NLRC4: variants seen among roughly 807,000 people sequenced by gnomAD.
NLRC4 encodes the protein NLR family CARD domain-containing protein 4.
NLRC4 carries 63 observed loss-of-function variants against 79.9 expected under a neutral mutation model. The observed-to-expected ratio is 0.79, with a 90% CI of 0.64 to 0.97. The LOEUF (loss-of-function observed/expected upper bound fraction) is 0.97, where lower values mean the gene tolerates loss of function less well. Ranked by LOEUF, NLRC4 falls within the 50% of genes least tolerant of loss-of-function variation. The pLI is 0.00. For missense variants in NLRC4, 1,074 were observed against 1,215.2 expected, an observed-to-expected ratio of 0.88 and a Z score of 1.73; for synonymous variants, 461 against 456.5, an observed-to-expected ratio of 1.01 and a Z score of -0.12.
chr2:32,237,742 G>A (rs1180958446), intron 6 of NLRC4, among the ~76,000 whole-genome samples: 1 of 152,174 alleles, frequency 6.6e-6, no homozygotes, highest in African/African-American at 2.4e-5. Context: ...CAATGGGTAG[G>A]AATTAGAAGC....
At chr2:32,225,506 C>T (rs1458545858) in intron 8 of NLRC4, among the ~76,000 whole-genome samples, 2 of 151,966 alleles carry the variant, frequency 1.3e-5, no homozygotes, top group African/African-American at 4.8e-5. Context: ...TTAGGTGGTA[C>T]TGGAACCCAA....
chr2:32,243,216 CT>C (rs1686847492), intron 4 of NLRC4, among the ~76,000 whole-genome samples: 1 of 151,686 alleles, frequency 6.6e-6, no homozygotes, highest in Middle Eastern at 3.4e-3. Context: ...TGACACCAGC[CT>C]GGCCAACATG....
intron 3 of NLRC4, 52 bp from the exon 4 acceptor site, chr2:32,251,653 A>G: frequency 7.9e-7 from 1 of 1,259,582 alleles, no homozygotes; most frequent in South Asian, 1.4e-5. Context: ...GTCTCCTCAA[A>G]ACCTAGAGTT....
intron 4 of NLRC4, 138 bp from the exon 5 acceptor site, chr2:32,241,263 TA>T (rs942977068): frequency 4.0e-5 from 23 of 569,364 alleles, no homozygotes; most frequent in African/African-American, 3.8e-4. Flanking sequence ...GAAATAGACA[TA>T]AAAATATACT....
At chr2:32,239,093 C>G (rs189934143) in intron 5 of NLRC4, among the ~76,000 whole-genome samples, 1 of 152,046 alleles carries the variant, frequency 6.6e-6, no homozygotes, top group Non-Finnish European at 1.5e-5. Context: ...CCAGCCTGTC[C>G]AACATGGCGG....
At chr2:32,259,735 A>T (rs1455039788) in intron 1 of NLRC4, among the ~76,000 whole-genome samples, 1 of 152,096 alleles carries the variant, frequency 6.6e-6, no homozygotes, top group Non-Finnish European at 1.5e-5. Flanking sequence ...CATCTCTGCC[A>T]CACCCTCAAA....
At chr2:32,257,923 T>A (rs1687246666) in intron 1 of NLRC4, among the ~76,000 whole-genome samples, 1 of 152,070 alleles carries the variant, frequency 6.6e-6, no homozygotes, top group African/African-American at 2.4e-5. Flanking sequence ...CAGGGTGCTC[T>A]TTTAGTTCAG....
intron 5 of NLRC4, 144 bp downstream of exon 5, chr2:32,240,889 G>A (rs1686783709): frequency 3.4e-6 from 2 of 584,590 alleles, no homozygotes; most frequent in African/African-American, 1.9e-5. Flanking sequence ...ATGGCAGTAG[G>A]GAAAATGTCT....
intron 1 of NLRC4, among the ~76,000 whole-genome samples, chr2:32,258,666 T>G (rs1396642749): frequency 6.6e-6 from 1 of 152,190 alleles, no homozygotes; most frequent in Non-Finnish European, 1.5e-5. Context: ...GGAGAGATTA[T>G]GGTATAAGGA....
chr2:32,233,349 A>ATTTTTTT (rs1176305976), intron 8 of NLRC4, among the ~76,000 whole-genome samples: 6 of 41,098 alleles, frequency 1.5e-4, no homozygotes, highest in Admixed American at 7.8e-4. Flanking sequence ...ATATATATAT[A>ATTTTTTT]TTTTTTTTTT....
intron 1 of NLRC4, among the ~76,000 whole-genome samples, chr2:32,261,541 A>T (rs1346793742): frequency 6.7e-6 from 1 of 148,164 alleles, no homozygotes; most frequent in Non-Finnish European, 1.5e-5. Context: ...CAACCTCCTG[A>T]TCTTGTGATC....
At position 32,251,351 on chromosome 2, in the gene NLRC4, A is replaced by C. The variant is rs1050080627; in HGVS notation, c.513T>G (p.Ser171=). The C allele has an allele frequency of 6.2e-7, 1 of 1,614,154 alleles. No individual in the cohort carries two copies. The change falls in exon 4 of 9, where the codon TCT becomes TCG. Residue 171 remains serine (S), a synonymous_variant. Transcript: ENST00000402280. ...LQSPCIIEGE[S]GKGKSTLLQR... is the part of the protein sequence containing the mutation. ...GCAGCAGAGTGGACTTGCCTTTGCC[A>C]GATTCCCCTTCAATGATGCAGGGGC...
At chr2:32,242,079 C>A (rs212723) in intron 4 of NLRC4, among the ~76,000 whole-genome samples, 92,589 of 151,998 alleles carry the variant, frequency 0.61, 28,432 homozygotes, top group Admixed American at 0.64. Context: ...CACTATGTTG[C>A]CCAGGCTGGT....
rs1321290429 is a variant in NLRC4, at chr2:32,236,313, G to A, written c.2548C>T (p.Leu850=). The A allele has an allele frequency of 1.7e-5, 27 of 1,610,032 alleles. No homozygotes were observed. The highest frequency in any genetic ancestry group is 2.0e-5 in the Non-Finnish European group (24 of 1,177,904). The change falls in exon 7 of 9, where the codon CTG becomes TTG. Residue 850 remains leucine (L), a synonymous_variant. Transcript: ENST00000402280. ...TTTTCTGATAAATCAAGAATGCTCA[G>A]TTTGACCAAATTGTGAAGATTCTGA... ...LAQNLHNLVK[L]SILDLSENYL...
chr2:32,242,279 C>G (rs1326579649), intron 4 of NLRC4, among the ~76,000 whole-genome samples: 3 of 151,552 alleles, frequency 2.0e-5, no homozygotes, highest in African/African-American at 7.3e-5. Context: ...CCAAGACTGA[C>G]AAAGAAAAAG....
intron 4 of NLRC4, among the ~76,000 whole-genome samples, chr2:32,246,028 A>G (rs1686927968): frequency 1.3e-5 from 2 of 152,058 alleles, no homozygotes; most frequent in Admixed American, 1.3e-4. Flanking sequence ...TACTAAAAAT[A>G]CAAAAATTAG....
At chr2:32,264,381 C>T (rs1392947492) in intron 1 of NLRC4, among the ~76,000 whole-genome samples, 3 of 149,958 alleles carry the variant, frequency 2.0e-5, no homozygotes, top group Non-Finnish European at 3.0e-5. Flanking sequence ...TTGCAGTGAG[C>T]CGAGATCACG....
chr2:32,257,677 G>A (rs1359348016), intron 1 of NLRC4, among the ~76,000 whole-genome samples: 1 of 151,716 alleles, frequency 6.6e-6, no homozygotes, highest in African/African-American at 2.4e-5. Context: ...TGGAGGTGGA[G>A]ATGAGGATGT....
rs1282857834 is a variant in NLRC4, at chr2:32,258,254, C to G, written c.-118-1361G>C. Among the ~76,000 whole-genome samples, 5 of 152,212 alleles carry G rather than the reference C, an allele frequency of 3.3e-5. No homozygotes were observed. In the East Asian group the frequency reaches 9.6e-4, roughly 29 times the overall value. The stretch of plus-strand genomic sequence containing the variant: ...GTGTGCTCTTCCGCCAGCATTCTCC[C>G]TTCAACGTCCTCTGGACGTCCAGCT... On this transcript the variant is annotated intron_variant, in intron 1 of 8. Coordinates refer to ENST00000402280, the MANE Select transcript of NLRC4 (RefSeq NM_001199138.2).
Sources: allele counts gnomAD v4.1 joint callset (sites outside exome capture counted in the v4.1 genomes callset), GRCh38; gene constraint gnomAD v4.1.1; transcripts MANE v1.5; gene names NCBI Gene and HGNC (gene_info 2026-07-23, HGNC 2026-07-21).